Variants in GPM6A observed in about 807,000 individuals in gnomAD.
GPM6A encodes neuronal membrane glycoprotein M6-a.
A neutral mutation model predicts 32.1 loss-of-function variants in GPM6A; 7 were observed. That is an observed-to-expected ratio of 0.22 (90% confidence interval 0.12 to 0.41). GPM6A has a LOEUF of 0.41. Among genes scored for constraint, GPM6A ranks in the 10% least tolerant of loss-of-function variants. GPM6A has a pLI of 1.00. For synonymous variants in GPM6A, 130 were observed against 123.4 expected (o/e 1.05, Z -0.35); for missense variants, 235 against 347.2 (o/e 0.68, Z 2.57).
chr4:175,732,979 G>T (rs1731497101), intron 1 of GPM6A, among the ~76,000 whole-genome samples: 1 of 152,150 alleles, frequency 6.6e-6, no homozygotes, highest in Admixed American at 6.5e-5. Flanking sequence ...CAGCAGCAGA[G>T]TTAAGCTATA....
At chr4:175,879,903 C>T (rs1737213997) in intron 1 of GPM6A, among the ~76,000 whole-genome samples, 1 of 152,068 alleles carries the variant, frequency 6.6e-6, no homozygotes, top group South Asian at 2.1e-4. Flanking sequence ...AAGCAAGAAT[C>T]AACACATAAT....
At chr4:175,883,197 C>T (rs1737337374) in intron 1 of GPM6A, among the ~76,000 whole-genome samples, 4 of 152,066 alleles carry the variant, frequency 2.6e-5, no homozygotes, top group Middle Eastern at 3.4e-3. Context: ...ACCCAATTTG[C>T]TTTGTAACAT....
chr4:175,742,146 A>C (rs1731911753), intron 1 of GPM6A, among the ~76,000 whole-genome samples: 2 of 152,154 alleles, frequency 1.3e-5, no homozygotes, highest in Non-Finnish European at 2.9e-5. Context: ...TGAAATTGAA[A>C]GGGTAATTAT....
intron 1 of GPM6A, among the ~76,000 whole-genome samples, chr4:175,753,731 G>A (rs533243686): frequency 7.2e-5 from 11 of 152,090 alleles, no homozygotes; most frequent in African/African-American, 2.7e-4. Context: ...TTCCAACCCA[G>A]CATGCACACA....
intron 1 of GPM6A, among the ~76,000 whole-genome samples, chr4:175,937,585 T>G (rs1027772602): frequency 1.3e-5 from 2 of 152,132 alleles, no homozygotes; most frequent in Non-Finnish European, 2.9e-5. Flanking sequence ...AGTCAATGAA[T>G]AAATAGAATG....
chr4:175,768,330 G>A (rs907589888), intron 1 of GPM6A, among the ~76,000 whole-genome samples: 1 of 152,108 alleles, frequency 6.6e-6, no homozygotes, highest in African/African-American at 2.4e-5. Context: ...AAATATATCA[G>A]TTTTGTGTCA....
intron 3 of GPM6A, among the ~76,000 whole-genome samples, chr4:175,660,177 A>G (rs1292595059): frequency 6.6e-6 from 1 of 152,092 alleles, no homozygotes; most frequent in East Asian, 1.9e-4. Flanking sequence ...AGGCAGGTGG[A>G]TCACGAGGTC....
At chr4:175,889,365 A>T (rs1419580987) in intron 1 of GPM6A, among the ~76,000 whole-genome samples, 2 of 152,132 alleles carry the variant, frequency 1.3e-5, no homozygotes, top group African/African-American at 4.8e-5. Context: ...CACTACAAAA[A>T]AATTTTAAAA....
chr4:175,896,607 C>T (rs767605445), intron 1 of GPM6A, among the ~76,000 whole-genome samples: 2 of 152,110 alleles, frequency 1.3e-5, no homozygotes, highest in Non-Finnish European at 2.9e-5. Context: ...CTCCAAAAGG[C>T]TTCTGTTTCT....
At chr4:175,637,316 T>TA (rs1239378360) in intron 6 of GPM6A, among the ~76,000 whole-genome samples, 1 of 69,222 alleles carries the variant, frequency 1.4e-5, no homozygotes, top group Non-Finnish European at 2.6e-5. Flanking sequence ...ATATATAATA[T>TA]AAAATATATA....
rs950318553 is a variant in GPM6A, at chr4:175,841,086, T to A, written c.-22-28837A>T. On this transcript the variant is annotated intron_variant, in intron 1 of 7. Transcript: ENST00000280187. ...TAGTAGCAAACAGATCCTAACCTAA[T>A]CTGTCTCTCTATAAAAATGAATTCT... is the stretch of plus-strand genomic sequence containing the variant. 2.0e-5 allele frequency among the ~76,000 whole-genome samples: 3 copies of A among 152,176 alleles called. No individual in the cohort carries two copies. In the South Asian group the frequency reaches 6.2e-4, roughly 32 times the overall value.
rs147586745 is a variant in GPM6A at position 175,965,918 on chromosome 4, G to T, written c.-23+36391C>A. On this transcript the variant is annotated intron_variant, in intron 1 of 7. Transcript: ENST00000280187. Reference sequence around the variant, plus strand: ...TGAGCCACCACGCCTGGCCAAGAGGGTCTATTTCTGTTGAATCCATAGACA... The same window carrying T: ...TGAGCCACCACGCCTGGCCAAGAGGTTCTATTTCTGTTGAATCCATAGACA... 7.9e-4 allele frequency among the ~76,000 whole-genome samples: 120 copies of T among 151,938 alleles called. 1 individual carries two copies. The highest frequency in any genetic ancestry group is 2.7e-3 in the African/African-American group (114 of 41,476).
intron 1 of GPM6A, among the ~76,000 whole-genome samples, chr4:175,924,414 A>C (rs926583857): frequency 1.3e-5 from 2 of 152,188 alleles, no homozygotes; most frequent in Admixed American, 1.3e-4. Context: ...CTTGCTAAAG[A>C]CTGCGAAAGG....
intron 2 of GPM6A, among the ~76,000 whole-genome samples, chr4:175,683,913 C>A (rs1411371098): frequency 6.6e-6 from 1 of 151,774 alleles, no homozygotes; most frequent in East Asian, 1.9e-4. Flanking sequence ...CTCACTGCAA[C>A]CTCCACCTCC....
intron 1 of GPM6A, among the ~76,000 whole-genome samples, chr4:175,889,036 A>T (rs1203947346): frequency 6.6e-6 from 1 of 152,218 alleles, no homozygotes; most frequent in Non-Finnish European, 1.5e-5. Flanking sequence ...AACATTATAA[A>T]TCAGATGGGA....
intron 1 of GPM6A, among the ~76,000 whole-genome samples, chr4:175,877,470 T>C (rs999754253): frequency 6.6e-6 from 1 of 152,144 alleles, no homozygotes; most frequent in South Asian, 2.1e-4. Flanking sequence ...TCTTCATGGC[T>C]GGCGAGGCCT....
intron 1 of GPM6A, among the ~76,000 whole-genome samples, chr4:175,734,452 T>C (rs1267603959): frequency 6.6e-6 from 1 of 152,192 alleles, no homozygotes; most frequent in African/African-American, 2.4e-5. Context: ...AGTAGCTTTA[T>C]TTTGATGTTG....
intron 1 of GPM6A, chr4:175,961,401 G>A (rs780142249): frequency 3.9e-5 from 6 of 152,134 alleles, no homozygotes; most frequent in Non-Finnish European, 7.3e-5. Flanking sequence ...AGGTCCATGA[G>A]AGAATTGAGG....
chr4:175,855,050 A>T (rs565739441), intron 1 of GPM6A, among the ~76,000 whole-genome samples: 7 of 152,304 alleles, frequency 4.6e-5, no homozygotes, highest in Middle Eastern at 3.4e-3. Context: ...AACAAACTTA[A>T]AAGGAATCTT....
Sources: allele counts gnomAD v4.1 joint callset (sites outside exome capture counted in the v4.1 genomes callset), GRCh38; gene constraint gnomAD v4.1.1; transcripts MANE v1.5; gene names NCBI Gene and HGNC (gene_info 2026-07-23, HGNC 2026-07-21).